Variants in KATNIP observed in about 807,000 individuals in gnomAD.
KATNIP encodes katanin-interacting protein.
A neutral mutation model predicts 174.0 loss-of-function variants in KATNIP; 126 were observed. The observed-to-expected ratio is 0.72, with a 90% CI of 0.63 to 0.84. KATNIP has a LOEUF of 0.84. Among genes scored for constraint, KATNIP ranks in the 40% least tolerant of loss-of-function variants. The pLI is 0.00. For missense variants in KATNIP, 1,958 were observed against 2,109.7 expected (o/e 0.93, Z 1.41); for synonymous variants, 810 against 835.7 (o/e 0.97, Z 0.53).
chr16:27,608,541 A>G (rs956420860), intron 2 of KATNIP, among the ~76,000 whole-genome samples: 1 of 150,926 alleles, frequency 6.6e-6, no homozygotes, highest in Non-Finnish European at 1.5e-5. Flanking sequence ...CCTTAAAGAA[A>G]GGGTCTCACT....
intron 2 of KATNIP, among the ~76,000 whole-genome samples, chr16:27,578,689 T>C (rs1596781877): frequency 6.6e-6 from 1 of 152,216 alleles, no homozygotes; most frequent in Non-Finnish European, 1.5e-5. Flanking sequence ...GTGATCCTTC[T>C]GCCTCAGCTT....
intron 6 of KATNIP, among the ~76,000 whole-genome samples, chr16:27,672,479 A>G (rs1336327607): frequency 6.6e-6 from 1 of 152,114 alleles, no homozygotes; most frequent in East Asian, 1.9e-4. Flanking sequence ...CCCACACTGT[A>G]TGCTCCTATA....
At chr16:27,598,768 T>C (rs917250478) in intron 2 of KATNIP, among the ~76,000 whole-genome samples, 3 of 152,122 alleles carry the variant, frequency 2.0e-5, no homozygotes, top group Non-Finnish European at 2.9e-5. Flanking sequence ...GCAGGAGATA[T>C]ACATGCAGGG....
intron 18 of KATNIP, among the ~76,000 whole-genome samples, chr16:27,759,407 G>A (rs530172237): frequency 6.6e-6 from 1 of 152,338 alleles, no homozygotes; most frequent in Non-Finnish European, 1.5e-5. Context: ...ATGCTGAGAA[G>A]GAATGTGTCA....
In KATNIP at chr16:27,674,041, C is replaced by T. The variant is rs189521143; in HGVS notation, c.541-3688C>T. On this transcript the variant is annotated intron_variant, in intron 6 of 27. Transcript: ENST00000261588. Reference sequence around the variant, plus strand: ...TGGCTCATACCTGTAGTCCCAGCTACACAGGAGGCTGAGGTGGGAGGCTCA... The same window carrying T: ...TGGCTCATACCTGTAGTCCCAGCTATACAGGAGGCTGAGGTGGGAGGCTCA... Among the ~76,000 whole-genome samples, 4 of 152,290 alleles carry T rather than the reference C, an allele frequency of 2.6e-5. No individual in the cohort carries two copies. The East Asian group carries it at 5.8e-4, about 22-fold the overall frequency.
At chr16:27,613,748 G>A (rs868814704) in intron 2 of KATNIP, among the ~76,000 whole-genome samples, 1 of 152,142 alleles carries the variant, frequency 6.6e-6, no homozygotes, top group Non-Finnish European at 1.5e-5. Context: ...GGAAGAAGGC[G>A]AGAATCCTCC....
intron 6 of KATNIP, chr16:27,659,928 C>T (rs2142459903): frequency 1.3e-6 from 1 of 792,392 alleles, no homozygotes; most frequent in Non-Finnish European, 1.5e-6. Flanking sequence ...TCTGAGCATG[C>T]ACCCCCAGTT....
At chr16:27,590,396 C>T (rs1415170490) in intron 2 of KATNIP, among the ~76,000 whole-genome samples, 1 of 151,220 alleles carries the variant, frequency 6.6e-6, no homozygotes. Context: ...TTGGTCTGAA[C>T]TCCTGGCCTC....
rs2142978944 is a variant in KATNIP, at chr16:27,698,511, G to A, written c.1113+11G>A. The stretch of plus-strand genomic sequence containing the variant: ...GCCAGCCCACTGCAGGTGCGCTCCG[G>A]GCTGGGAGAGGAACCGGGGGATGCT... On this transcript the variant is annotated intron_variant, in intron 9 of 27. Transcript: ENST00000261588. The A allele has an allele frequency of 6.3e-7, 1 of 1,595,626 alleles. No individual in the cohort carries two copies. The highest frequency in any genetic ancestry group is 1.7e-5 in the Admixed American group (1 of 58,638).
At position 27,761,567 on chromosome 16, in the gene KATNIP, T is replaced by C. The variant is rs745632805; in HGVS notation, c.3786T>C (p.Ser1262=). The change falls in exon 19 of 28, where the codon TCT becomes TCC. Residue 1262 remains serine (S), a synonymous_variant. Coordinates refer to ENST00000261588, the MANE Select transcript of KATNIP (RefSeq NM_015202.5). ...ACTTAAATGAGCTCCCCGAGTACTC[T>C]GACGACTCCCGGGCCCTGGACAAGT... ...PRDLNELPEY[S]DDSRALDKLI... is the part of the protein sequence containing the mutation. 1 of 1,614,044 alleles carries C rather than the reference T, an allele frequency of 6.2e-7. No individual in the cohort carries two copies. Among genetic ancestry groups the C allele is most frequent in the East Asian group, 2.2e-5 (1 of 44,882 alleles).
Position 27,661,989 on chromosome 16 carries a change from C to CATATATATAT in KATNIP, c.540+13257_540+13258insTATATATATA, listed in dbSNP as rs1315597627. Among the ~76,000 whole-genome samples the CATATATATAT allele has an allele frequency of 2.3e-4, 6 of 25,684 alleles. 1 individual carries two copies. Among genetic ancestry groups the CATATATATAT allele is most frequent in the African/African-American group, 1.5e-3 (6 of 3,902 alleles). 16.8% of individuals were successfully genotyped at this position (25,684 alleles called of 152,430 possible). A position where few individuals can be genotyped will look rare whatever the true frequency, so the allele number is the denominator to read the frequency against. On this transcript the variant is annotated intron_variant, in intron 6 of 27. Coordinates refer to ENST00000261588, the MANE Select transcript of KATNIP (RefSeq NM_015202.5). ...ATATATATATATATATATATATACA[C>CATATATATAT]ATACATATATATATATATATATATA... is the stretch of plus-strand genomic sequence containing the variant.
At chr16:27,752,343 A>G (rs1012211249) in intron 17 of KATNIP, among the ~76,000 whole-genome samples, 3 of 152,200 alleles carry the variant, frequency 2.0e-5, no homozygotes, top group South Asian at 2.1e-4. Context: ...TTTCATGAAC[A>G]CATATCATGA....
intron 21 of KATNIP, among the ~76,000 whole-genome samples, chr16:27,771,080 C>G (rs1490938489): frequency 2.6e-5 from 4 of 152,210 alleles, no homozygotes; most frequent in African/African-American, 7.2e-5. Context: ...CCTGAGGCAG[C>G]CTGCCCCACC....
chr16:27,552,125 A>G (rs1244764950), intron 1 of KATNIP, among the ~76,000 whole-genome samples: 1 of 152,246 alleles, frequency 6.6e-6, no homozygotes, highest in Non-Finnish European at 1.5e-5. Context: ...CCAAAAAATT[A>G]ATAGGAAGAG....
At chr16:27,701,219 A>G (rs1195258887) in intron 10 of KATNIP, among the ~76,000 whole-genome samples, 1 of 151,924 alleles carries the variant, frequency 6.6e-6, no homozygotes, top group Non-Finnish European at 1.5e-5. Flanking sequence ...GTGCAGTGGC[A>G]TGACCATAGC....
rs376063239 is a variant in KATNIP, at chr16:27,698,510, G to C, written c.1113+10G>C. 1.3e-6 allele frequency: 2 copies of C among 1,596,152 alleles called. No homozygotes were observed. The highest frequency in any genetic ancestry group is 2.2e-5 in the South Asian group (2 of 89,616). ...AGCCAGCCCACTGCAGGTGCGCTCCGGGCTGGGAGAGGAACCGGGGGATGC... is the reference window on the plus strand; with the variant it reads ...AGCCAGCCCACTGCAGGTGCGCTCCCGGCTGGGAGAGGAACCGGGGGATGC... On this transcript the variant is annotated intron_variant, in intron 9 of 27. Transcript: ENST00000261588.
At chr16:27,672,809 T>C (rs547535692) in intron 6 of KATNIP, among the ~76,000 whole-genome samples, 4 of 152,062 alleles carry the variant, frequency 2.6e-5, no homozygotes, top group Non-Finnish European at 5.9e-5. Flanking sequence ...GGCTGCAACA[T>C]AGTGACGGTC....
intron 18 of KATNIP, 162 bp downstream of exon 18, chr16:27,754,413 G>T: frequency 1.6e-6 from 1 of 627,710 alleles, no homozygotes; most frequent in Non-Finnish European, 2.8e-6. Flanking sequence ...ACCAGCCTGC[G>T]CTCAGCTCCC....
intron 18 of KATNIP, chr16:27,757,598 CT>C: frequency 1.3e-6 from 1 of 799,294 alleles, no homozygotes; most frequent in Non-Finnish European, 1.5e-6. Flanking sequence ...GCTCAAAGAC[CT>C]TTTTACTGCA....
Sources: gnomAD v4.1 joint callset for allele counts (sites outside exome capture counted in the v4.1 genomes callset) on GRCh38, gnomAD v4.1.1 for gene constraint, MANE v1.5 for transcripts, NCBI Gene and HGNC (gene_info 2026-07-23, HGNC 2026-07-21) for gene names.